MAGI2: variants seen among roughly 807,000 people sequenced by gnomAD.
MAGI2 encodes membrane-associated guanylate kinase, WW and PDZ domain-containing protein 2.
In MAGI2, 35 loss-of-function variants were observed where a neutral mutation model predicts 133.3. The ratio of observed to expected loss-of-function variants is 0.26; its 90% CI spans 0.20 to 0.35. MAGI2 has a LOEUF of 0.35. MAGI2 is among the 10% of genes least tolerant of loss of function. MAGI2 has a pLI of 1.00. For missense variants in MAGI2, 1,636 were observed against 1,863.4 expected, an observed-to-expected ratio of 0.88 and a Z score of 2.25; for synonymous variants, 729 against 710.6, an observed-to-expected ratio of 1.03 and a Z score of -0.41.
intron 1 of MAGI2, among the ~76,000 whole-genome samples, chr7:79,282,878 C>A (rs1835754435): frequency 6.8e-6 from 1 of 147,052 alleles, no homozygotes. Context: ...CTACAAACTT[C>A]TGACTAGAAG....
At chr7:78,185,499 T>C (rs963524766) in intron 13 of MAGI2, 130 bp downstream of exon 13, 4 of 578,136 alleles carry the variant, frequency 6.9e-6, no homozygotes, top group African/African-American at 5.8e-5. Flanking sequence ...CTTGAATACA[T>C]GTTTTATGTA....
At chr7:78,969,246 T>C (rs1803582216) in intron 2 of MAGI2, among the ~76,000 whole-genome samples, 1 of 152,042 alleles carries the variant, frequency 6.6e-6, no homozygotes, top group Non-Finnish European at 1.5e-5. Flanking sequence ...GCTGTGTAAA[T>C]GGCACACCTG....
intron 3 of MAGI2, among the ~76,000 whole-genome samples, chr7:78,625,747 A>G (rs1329154424): frequency 6.6e-6 from 1 of 152,168 alleles, no homozygotes; most frequent in South Asian, 2.1e-4. Context: ...CTTTTATACC[A>G]TATTTTTAAC....
chr7:78,872,537 G>A (rs1795114309), intron 2 of MAGI2, among the ~76,000 whole-genome samples: 1 of 151,096 alleles, frequency 6.6e-6, no homozygotes, highest in Non-Finnish European at 1.5e-5. Flanking sequence ...CAAACCATAA[G>A]TCAAAATAAT....
At chr7:78,113,519 T>A (rs188794875) in intron 20 of MAGI2, among the ~76,000 whole-genome samples, 3 of 152,280 alleles carry the variant, frequency 2.0e-5, no homozygotes, top group Admixed American at 2.0e-4. Flanking sequence ...TACTCTACCC[T>A]TTCTATGTTT....
chr7:78,095,617 A>T (rs149020132), intron 20 of MAGI2, among the ~76,000 whole-genome samples: 102 of 152,320 alleles, frequency 6.7e-4, no homozygotes, highest in African/African-American at 2.3e-3. Context: ...TGGTTCAAGG[A>T]TCCCCAATTA....
intron 2 of MAGI2, among the ~76,000 whole-genome samples, chr7:78,936,533 A>C (rs1287153157): frequency 6.6e-6 from 1 of 151,998 alleles, no homozygotes; most frequent in Non-Finnish European, 1.5e-5. Context: ...AATATATTTG[A>C]AATGCTTATG....
At chr7:79,340,528 C>T (rs995943856) in intron 1 of MAGI2, among the ~76,000 whole-genome samples, 1 of 152,066 alleles carries the variant, frequency 6.6e-6, no homozygotes, top group Non-Finnish European at 1.5e-5. Context: ...CATATCTGGC[C>T]TGTAGCAACA....
rs1345310443 is a variant in MAGI2 at position 79,017,394 on chromosome 7, C to T, written c.302-10188G>A. ...TGAACCCACCTTATGCCATAATCAA[C>T]CCCCCAAGGACATCAAATAGGATAG... On this transcript the variant is annotated intron_variant, in intron 1 of 21. Coordinates refer to ENST00000354212, the MANE Select transcript of MAGI2 (RefSeq NM_012301.4). 5.3e-5 allele frequency among the ~76,000 whole-genome samples: 8 copies of T among 152,158 alleles called. No individual in the cohort carries two copies. The East Asian group carries it at 7.7e-4, about 15-fold the overall frequency.
intron 9 of MAGI2, among the ~76,000 whole-genome samples, chr7:78,299,960 T>TC (rs1443222600): frequency 6.6e-6 from 1 of 152,222 alleles, no homozygotes; most frequent in Non-Finnish European, 1.5e-5. Flanking sequence ...TTTTTCTTTT[T>TC]CATCATGGAA....
intron 2 of MAGI2, among the ~76,000 whole-genome samples, chr7:78,678,537 A>G (rs1815296268): frequency 6.6e-6 from 1 of 152,142 alleles, no homozygotes; most frequent in African/African-American, 2.4e-5. Flanking sequence ...TCCTTCTGTA[A>G]TGGTTTGGAT....
At chr7:79,130,720 C>T (rs2129545335) in intron 1 of MAGI2, among the ~76,000 whole-genome samples, 1 of 152,198 alleles carries the variant, frequency 6.6e-6, no homozygotes, top group East Asian at 1.9e-4. Flanking sequence ...TATTATTAAC[C>T]AATTTTCACT....
chr7:78,975,076 G>A (rs1260270802), intron 2 of MAGI2, among the ~76,000 whole-genome samples: 3 of 151,664 alleles, frequency 2.0e-5, no homozygotes, highest in Non-Finnish European at 2.9e-5. Context: ...AGTCCACTAT[G>A]AGAGTTGGAG....
chr7:78,866,993 T>C lies in MAGI2; in HGVS notation c.418+140097A>G, dbSNP rs891813287. ...TGCAAATCAAAACCACAATGAGATA[T>C]CATCTCACACCAGTTAGAATGGCAA... On this transcript the variant is annotated intron_variant, in intron 2 of 21. Coordinates refer to ENST00000354212, the MANE Select transcript of MAGI2 (RefSeq NM_012301.4). 6.6e-5 allele frequency among the ~76,000 whole-genome samples: 10 copies of C among 150,750 alleles called. No individual in the cohort carries two copies. In the East Asian group the frequency reaches 7.8e-4, roughly 12 times the overall value.
chr7:78,836,087 A>T (rs1425529165), intron 2 of MAGI2, among the ~76,000 whole-genome samples: 1 of 152,230 alleles, frequency 6.6e-6, no homozygotes, highest in African/African-American at 2.4e-5. Context: ...CCACCATATT[A>T]GCAGACGTCA....
intron 1 of MAGI2, among the ~76,000 whole-genome samples, chr7:79,041,107 C>A (rs1283572390): frequency 1.3e-5 from 2 of 152,152 alleles, no homozygotes; most frequent in African/African-American, 4.8e-5. Context: ...CAAAATCCCA[C>A]TACTTCTAAA....
At chr7:78,832,530 A>G (rs866438181) in intron 2 of MAGI2, among the ~76,000 whole-genome samples, 1 of 152,198 alleles carries the variant, frequency 6.6e-6, no homozygotes, top group African/African-American at 2.4e-5. Flanking sequence ...ACACTATGCC[A>G]TTCTTCACGC....
intron 1 of MAGI2, chr7:79,413,769 G>A (rs189135112): frequency 1.6e-4 from 24 of 152,056 alleles, no homozygotes; most frequent in South Asian, 6.2e-4. Context: ...CTGCCCTACC[G>A]TTCCTCAGCT....
At chr7:79,111,248 A>G (rs768515692) in intron 1 of MAGI2, among the ~76,000 whole-genome samples, 11 of 152,296 alleles carry the variant, frequency 7.2e-5, no homozygotes, top group Non-Finnish European at 1.5e-4. Flanking sequence ...CAAAATATCT[A>G]TCTCTTATTA....
Sources: gnomAD v4.1 joint callset for allele counts (sites outside exome capture counted in the v4.1 genomes callset) on GRCh38, gnomAD v4.1.1 for gene constraint, MANE v1.5 for transcripts, NCBI Gene and HGNC (gene_info 2026-07-23, HGNC 2026-07-21) for gene names.